CLSTN2: variants seen among roughly 807,000 people sequenced by gnomAD.
CLSTN2 encodes calsyntenin 2.
In CLSTN2, 48 loss-of-function variants were observed where a neutral mutation model predicts 101.2. The observed-to-expected ratio is 0.47, with a 90% confidence interval of 0.38 to 0.60. The LOEUF (loss-of-function observed/expected upper bound fraction) is 0.60, where lower values mean the gene tolerates loss of function less well. Among genes scored for constraint, CLSTN2 ranks in the 20% least tolerant of loss-of-function variants. The pLI is 0.00. For missense variants in CLSTN2, 1,160 were observed against 1,238.2 expected (o/e 0.94, Z 0.95); for synonymous variants, 481 against 463.6 (o/e 1.04, Z -0.48).
intron 2 of CLSTN2, among the ~76,000 whole-genome samples, chr3:140,325,666 G>T (rs963769719): frequency 6.6e-6 from 1 of 152,204 alleles, no homozygotes; most frequent in Non-Finnish European, 1.5e-5. Context: ...GTCATAGCCT[G>T]TTCCTCTTCT....
chr3:140,261,636 A>G (rs2086655107), intron 2 of CLSTN2, among the ~76,000 whole-genome samples: 1 of 151,996 alleles, frequency 6.6e-6, no homozygotes, highest in South Asian at 2.1e-4. Context: ...ATTTTCTCTC[A>G]ATTGACAAGG....
rs117650692 is a variant in CLSTN2, at chr3:140,222,061, G to A, written c.232+45988G>A. 4.0e-4 allele frequency among the ~76,000 whole-genome samples: 61 copies of A among 150,948 alleles called. 2 individuals carry two copies. The East Asian group carries it at 0.011, about 28-fold the overall frequency. ...TATTCACAATAGCCAAGATTTGGAA[G>A]CAACCTAGATGTCCACCGAGAGATG... is the stretch of plus-strand genomic sequence containing the variant. On this transcript the variant is annotated intron_variant, in intron 2 of 16. Coordinates refer to ENST00000458420, the MANE Select transcript of CLSTN2 (RefSeq NM_022131.3).
chr3:140,561,979 G>A (rs1051316858), intron 12 of CLSTN2, among the ~76,000 whole-genome samples, 159 bp from the exon 13 acceptor site: 33 of 152,142 alleles, frequency 2.2e-4, no homozygotes, highest in African/African-American at 7.5e-4. Context: ...AGGGATGCCT[G>A]GACATCTGAG....
intron 5 of CLSTN2, among the ~76,000 whole-genome samples, chr3:140,438,996 C>T (rs551816855): frequency 6.6e-6 from 1 of 152,296 alleles, no homozygotes; most frequent in South Asian, 2.1e-4. Flanking sequence ...CCACGGCCCC[C>T]CAGACAGCCA....
chr3:140,351,845 C>T (rs1314965049), intron 2 of CLSTN2, among the ~76,000 whole-genome samples: 1 of 151,092 alleles, frequency 6.6e-6, no homozygotes, highest in Non-Finnish European at 1.5e-5. Context: ...AGTGCAAAGG[C>T]ATTGATGCAT....
At chr3:140,495,024 T>C (rs1366572895) in intron 8 of CLSTN2, among the ~76,000 whole-genome samples, 1 of 152,226 alleles carries the variant, frequency 6.6e-6, no homozygotes, top group Non-Finnish European at 1.5e-5. Flanking sequence ...CTCTAGATTT[T>C]TGCAGAACCG....
intron 1 of CLSTN2, among the ~76,000 whole-genome samples, chr3:140,135,157 TATATAA>T (rs1175570523): frequency 3.6e-5 from 4 of 111,092 alleles, no homozygotes; most frequent in African/African-American, 1.2e-4. Flanking sequence ...TATATATATA[TATATAA>T]AATATGCTGG....
At chr3:140,053,780 G>A (rs1482600067) in intron 1 of CLSTN2, among the ~76,000 whole-genome samples, 1 of 152,158 alleles carries the variant, frequency 6.6e-6, no homozygotes, top group Non-Finnish European at 1.5e-5. Flanking sequence ...TTCATTATGT[G>A]TGAAATGGAA....
intron 1 of CLSTN2, among the ~76,000 whole-genome samples, chr3:140,072,608 C>T (rs2008415769): frequency 6.6e-6 from 1 of 152,136 alleles, no homozygotes; most frequent in Non-Finnish European, 1.5e-5. Context: ...GGCCTGTTTA[C>T]AAAAATAAGC....
chr3:140,518,409 C>T (rs182909711), intron 8 of CLSTN2, among the ~76,000 whole-genome samples: 20 of 152,242 alleles, frequency 1.3e-4, no homozygotes, highest in Middle Eastern at 3.4e-3. Flanking sequence ...CTCTGGCAGC[C>T]CTCCCCAAGA....
chr3:140,115,484 C>A (rs2107796651), intron 1 of CLSTN2, among the ~76,000 whole-genome samples: 1 of 152,266 alleles, frequency 6.6e-6, no homozygotes, highest in Admixed American at 6.5e-5. Context: ...AGGCCTCACT[C>A]CCTGCTCTTC....
intron 1 of CLSTN2, among the ~76,000 whole-genome samples, chr3:139,968,790 A>G (rs1935646735): frequency 6.6e-6 from 1 of 152,240 alleles, no homozygotes; most frequent in Admixed American, 6.5e-5. Flanking sequence ...TATAAAAAAG[A>G]AATTAAATAT....
chr3:140,016,807 A>AG (rs952575759), intron 1 of CLSTN2, among the ~76,000 whole-genome samples: 14 of 151,648 alleles, frequency 9.2e-5, no homozygotes, highest in African/African-American at 3.1e-4. Flanking sequence ...AAAAAAAAAA[A>AG]AAAAAAAGAA....
intron 2 of CLSTN2, among the ~76,000 whole-genome samples, chr3:140,241,874 T>TACACACACAC (rs1402235729): frequency 0.025 from 1,488 of 59,734 alleles, 27 homozygotes; most frequent in African/African-American, 0.074. Context: ...TATACACATA[T>TACACACACAC]ATATATACAC....
At chr3:140,078,994 T>C (rs2008541087) in intron 1 of CLSTN2, among the ~76,000 whole-genome samples, 1 of 152,088 alleles carries the variant, frequency 6.6e-6, no homozygotes, top group African/African-American at 2.4e-5. Flanking sequence ...TAAGGTGTGG[T>C]TTTTGATATC....
At chr3:140,037,176 C>T (rs1423096316) in intron 1 of CLSTN2, among the ~76,000 whole-genome samples, 3 of 152,158 alleles carry the variant, frequency 2.0e-5, no homozygotes, top group East Asian at 1.9e-4. Context: ...CTTTTGAGCC[C>T]GGAAACTTTC....
chr3:140,320,112 C>G (rs1559837983), intron 2 of CLSTN2, among the ~76,000 whole-genome samples: 3 of 152,206 alleles, frequency 2.0e-5, no homozygotes, highest in Non-Finnish European at 1.5e-5. Flanking sequence ...TCTGGAAGCT[C>G]AGCTTCTCTG....
At chr3:140,140,320 CCTGA>C (rs1428386271) in intron 1 of CLSTN2, among the ~76,000 whole-genome samples, 2 of 152,092 alleles carry the variant, frequency 1.3e-5, no homozygotes, top group African/African-American at 4.8e-5. Flanking sequence ...AAGCATGGCA[CCTGA>C]CTTTTGCTTC....
intron 2 of CLSTN2, among the ~76,000 whole-genome samples, chr3:140,319,718 T>C (rs2087263728): frequency 6.6e-6 from 1 of 152,224 alleles, no homozygotes; most frequent in African/African-American, 2.4e-5. Flanking sequence ...TCTGAGCATG[T>C]GCCTTAGCAT....
Sources: gnomAD v4.1 joint callset for allele counts (sites outside exome capture counted in the v4.1 genomes callset) on GRCh38, gnomAD v4.1.1 for gene constraint, MANE v1.5 for transcripts, NCBI Gene and HGNC (gene_info 2026-07-23, HGNC 2026-07-21) for gene names.